PAPLN: variants seen among roughly 807,000 people sequenced by gnomAD.
The protein encoded by PAPLN is papilin, proteoglycan like sulfated glycoprotein.
In PAPLN, 146 loss-of-function variants were observed where a neutral mutation model predicts 159.0. That is an observed-to-expected ratio of 0.92 (90% CI 0.80 to 1.05). The LOEUF (loss-of-function observed/expected upper bound fraction) is 1.05, where lower values mean the gene tolerates loss of function less well. PAPLN is among the 50% of genes least tolerant of loss of function. The probability of loss-of-function intolerance (pLI) is 0.00; values close to 1 mark genes in which losing one functional copy is unlikely to be tolerated. For synonymous variants in PAPLN, 734 were observed against 702.9 expected (o/e 1.04, Z -0.70); for missense variants, 1,720 against 1,743.9 (o/e 0.99, Z 0.24).
At chr14:73,252,798 A>G in intron 11 of PAPLN, 23 bp downstream of exon 11, 2 of 1,611,916 alleles carry the variant, frequency 1.2e-6, no homozygotes, top group Non-Finnish European at 1.7e-6. Context: ...CAGCCCCTCT[A>G]CCCATGATGA....
In PAPLN at chr14:73,250,167, C is replaced by T. The variant is rs914725652; in HGVS notation, c.465+53C>T. ...CTCCGGGCTGCCTGGGGGCTCAGTG[C>T]GGGTGTTTCCCTGTCCATCACCCAT... On this transcript the variant is annotated intron_variant, in intron 6 of 26. Transcript: ENST00000644200. The T allele has an allele frequency of 9.9e-5, 150 of 1,522,106 alleles. No individual in the cohort carries two copies. Among genetic ancestry groups the T allele is most frequent in the Non-Finnish European group, 1.3e-4 (145 of 1,135,546 alleles). The allele number at this position is 1,522,106 out of a possible 1,614,324, so 94.3% of individuals were successfully genotyped here. A position where few individuals can be genotyped will look rare whatever the true frequency, so the allele number is the denominator to read the frequency against.
Position 73,252,690 on chromosome 14 carries a change from G to A in PAPLN, c.1009G>A (p.Ala337Thr). ...GGTGTTCTGCACCATCGACCATGAG[G>A]CCTACCCCGACCACATGTGCCAGCG... is the stretch of plus-strand genomic sequence containing the variant. ...RLVFCTIDHE[A>T]YPDHMCQRQP... is the part of the protein sequence containing the mutation. Residue 337 changes from alanine (A) to threonine (T), a missense_variant, in exon 11 of 27, where the codon GCC (alanine) becomes ACC (threonine). Ala to Thr is a moderately conservative substitution (Grantham distance 58). Transcript: ENST00000644200. 2 of 1,613,422 alleles carry A rather than the reference G, an allele frequency of 1.2e-6. No individual in the cohort carries two copies. The highest frequency in any genetic ancestry group is 1.7e-6 in the Non-Finnish European group (2 of 1,180,010).
chr14:73,245,618 G>C lies in PAPLN; in HGVS notation c.171-18G>C, dbSNP rs777389669. 1.3e-6 allele frequency: 2 copies of C among 1,553,768 alleles called. No individual in the cohort carries two copies. The highest frequency in any genetic ancestry group is 1.7e-6 in the Non-Finnish European group (2 of 1,149,968). On this transcript the variant is annotated intron_variant, in intron 3 of 26. Transcript: ENST00000644200. This position sits in a 1 kb window ranked among gnomAD's most constrained non-coding sequence, Gnocchi z 4.2. ...CGTTGGGTCTCGGTCAGGTCTTCCC[G>C]GTGCTCTGGTCCCGCAGGAGAGATG...
rs368511037 is a variant in PAPLN, at chr14:73,246,140, A to G, written c.299A>G (p.Gln100Arg). ...QCAEFDGAEF[Q>R]GRRYRWLPYY... ...GCGGAGTTCGACGGAGCGGAGTTCCAGGGGCGGCGGTATCGGTGGCTGCCC... is the reference window on the plus strand; with the variant it reads ...GCGGAGTTCGACGGAGCGGAGTTCCGGGGGCGGCGGTATCGGTGGCTGCCC... Residue 100 changes from glutamine to arginine, a missense_variant, in exon 5 of 27, where the codon CAG (glutamine) becomes CGG (arginine). Transcript: ENST00000644200. 3.8e-6 allele frequency: 6 copies of G among 1,588,448 alleles called. No homozygotes were observed. Among genetic ancestry groups the G allele is most frequent in the Admixed American group, 3.6e-5 (2 of 56,132 alleles).
rs1345415658 is a variant in PAPLN at position 73,251,736 on chromosome 14, C to T, written c.743C>T (p.Ala248Val). 6.2e-7 allele frequency: 1 copy of T among 1,613,238 alleles called. No individual in the cohort carries two copies. Among genetic ancestry groups the T allele is most frequent in the East Asian group, 2.2e-5 (1 of 44,890 alleles). ...WTIEAARALP[A>V]ASTILHYERG... Reference sequence around the variant, plus strand: ...ATCGAGGCGGCCCGGGCCCTGCCAGCAGCCAGCACCATCCTGCATTACGAG... The same window carrying T: ...ATCGAGGCGGCCCGGGCCCTGCCAGTAGCCAGCACCATCCTGCATTACGAG... The change falls in exon 9 of 27, where the codon GCA (alanine) becomes GTA (valine). Residue 248 changes from alanine (A) to valine (V), a missense_variant. Ala to Val is a moderately conservative substitution (Grantham distance 64). Coordinates refer to ENST00000644200, the MANE Select transcript of PAPLN (RefSeq NM_001365906.3).
chr14:73,247,663 CGTGTGT>C (rs148614929), intron 5 of PAPLN, among the ~76,000 whole-genome samples: 6 of 44,488 alleles, frequency 1.3e-4, no homozygotes, highest in Admixed American at 2.5e-4. Context: ...TGTGTGTGTG[CGTGTGT>C]GTGTGTGTGT....
chr14:73,247,196 A>C (rs754482740), intron 5 of PAPLN, among the ~76,000 whole-genome samples: 6 of 152,120 alleles, frequency 3.9e-5, no homozygotes, highest in Non-Finnish European at 8.8e-5. Flanking sequence ...CCAAGACTTC[A>C]TTTATCAAGG....
chr14:73,250,250 C>T (rs1336058138), intron 6 of PAPLN, 136 bp downstream of exon 6: 4 of 1,222,464 alleles, frequency 3.3e-6, no homozygotes, highest in Non-Finnish European at 3.2e-6. Context: ...ACACCAAGCC[C>T]AGCTCCTAGG....
At chr14:73,244,603 T>A in intron 2 of PAPLN, 41 bp from the exon 3 acceptor site, 1 of 1,502,640 alleles carries the variant, frequency 6.7e-7, no homozygotes, top group South Asian at 1.2e-5. Flanking sequence ...GGGCTCAGGC[T>A]GTGAGTGGGC....
intron 5 of PAPLN, among the ~76,000 whole-genome samples, chr14:73,247,733 TGC>T: frequency 7.3e-6 from 1 of 136,660 alleles, no homozygotes; most frequent in Admixed American, 7.3e-5. Context: ...ATGTCCTCTG[TGC>T]GTGTGTGTGT....
At chr14:73,236,249 C>A (rs1395283864), upstream of PAPLN, among the ~76,000 whole-genome samples, 1 of 152,258 alleles carries the variant, frequency 6.6e-6, no homozygotes, top group Non-Finnish European at 1.5e-5. Flanking sequence ...ATGCGTTGAG[C>A]CCCTGCCTTG....
In PAPLN at chr14:73,245,974, C is replaced by A; in HGVS notation, c.232-99C>A. 1.6e-6 allele frequency: 2 copies of A among 1,244,532 alleles called. No individual in the cohort carries two copies. Among genetic ancestry groups the A allele is most frequent in the Non-Finnish European group, 2.2e-6 (2 of 925,750 alleles). 77.1% of individuals were successfully genotyped at this position (1,244,532 alleles called of 1,614,324 possible). On this transcript the variant is annotated intron_variant, in intron 4 of 26. Transcript: ENST00000644200. This position sits in a 1 kb window ranked among gnomAD's most constrained non-coding sequence, Gnocchi z 4.2. ...CCTCCGGCGGCTCCGATGGGGCAGG[C>A]AAGGGAGACTCCTGGGCTCCCTGGG...
chr14:73,257,534 T>G (rs377731108), intron 14 of PAPLN, among the ~76,000 whole-genome samples: 2 of 152,228 alleles, frequency 1.3e-5, no homozygotes, highest in East Asian at 1.9e-4. Flanking sequence ...TTTTGAAAAT[T>G]TTAGGGATGT....
At chr14:73,248,073 C>CTGTGTGTGTG (rs1491238488) in intron 5 of PAPLN, among the ~76,000 whole-genome samples, 1 of 50,986 alleles carries the variant, frequency 2.0e-5, no homozygotes, top group African/African-American at 1.7e-4. Context: ...GTCTCATATC[C>CTGTGTGTGTG]TCTGTGTGTG....
At position 73,262,502 on chromosome 14, in the gene PAPLN, T is replaced by G. The variant is rs1832048480; in HGVS notation, c.2398T>G (p.Cys800Gly). The G allele has an allele frequency of 6.3e-7, 1 of 1,588,246 alleles. No individual in the cohort carries two copies. Among genetic ancestry groups the G allele is most frequent in the East Asian group, 2.3e-5 (1 of 43,342 alleles). ...CAATAACTTTGCCTCGGAGCAAGAG[T>G]GCATGAGCAGCTGCCAGGGATCTCT... ...NANNFASEQECMSSCQGSLHG... is the reference protein window; with the variant it reads ...NANNFASEQEGMSSCQGSLHG... The change falls in exon 19 of 27, where the codon TGC (cysteine) becomes GGC (glycine). Residue 800 changes from cysteine (C) to glycine (G), a missense_variant. Physicochemically the swap from Cys to Gly is radical, Grantham distance 159. Transcript: ENST00000644200.
chr14:73,269,992 G>A (rs545246979), intron 26 of PAPLN, among the ~76,000 whole-genome samples: 1 of 152,352 alleles, frequency 6.6e-6, no homozygotes, highest in South Asian at 2.1e-4. Flanking sequence ...GATCTCTTTA[G>A]AGATCGCCTC....
At chr14:73,252,258 G>A in intron 10 of PAPLN, 117 bp downstream of exon 10, 1 of 1,392,926 alleles carries the variant, frequency 7.2e-7, no homozygotes, top group Non-Finnish European at 9.4e-7. Context: ...AGATGGACAA[G>A]TAGGCGAGAA....
chr14:73,254,011 G>C (rs1206563401), intron 12 of PAPLN, 50 bp downstream of exon 12: 1 of 1,553,030 alleles, frequency 6.4e-7, no homozygotes, highest in Admixed American at 1.8e-5. Flanking sequence ...GGTAGCAGCA[G>C]GGAAGGGCTG....
intron 26 of PAPLN, 164 bp from the exon 27 acceptor site, chr14:73,272,331 T>C (rs868658935): frequency 2.5e-5 from 14 of 563,490 alleles, no homozygotes; most frequent in Admixed American, 6.2e-5. Context: ...TCATCCCTCA[T>C]AGAGTTTGTA....
Sources: gnomAD v4.1 joint callset for allele counts (sites outside exome capture counted in the v4.1 genomes callset) on GRCh38, gnomAD v4.1.1 for gene constraint, Gnocchi (gnomAD v3.1) non-coding constraint, MANE v1.5 for transcripts, NCBI Gene and HGNC (gene_info 2026-07-23, HGNC 2026-07-21) for gene names.